TAFA1: variants seen among roughly 807,000 people sequenced by gnomAD.
TAFA1 encodes the protein TAFA chemokine like family member 1, also known as chemokine-like protein TAFA-1.
In TAFA1, 4 loss-of-function variants were observed where a neutral mutation model predicts 18.5. That is an observed-to-expected ratio of 0.22 (90% confidence interval 0.11 to 0.49). TAFA1 has a LOEUF of 0.49. TAFA1 is among the 20% of genes least tolerant of loss of function. TAFA1 has a pLI of 0.98. For synonymous variants in TAFA1, 56 were observed against 55.2 expected, an observed-to-expected ratio of 1.01 and a Z score of -0.06; for missense variants, 147 against 169.0, an observed-to-expected ratio of 0.87 and a Z score of 0.72.
At chr3:68,300,663 A>ATC (rs2068288030) in intron 2 of TAFA1, among the ~76,000 whole-genome samples, 1 of 152,164 alleles carries the variant, frequency 6.6e-6, no homozygotes, top group Admixed American at 6.5e-5. Flanking sequence ...TCCACCCAAA[A>ATC]TCTCATCTTG....
intron 2 of TAFA1, among the ~76,000 whole-genome samples, chr3:68,184,951 AT>A (rs1183739446): frequency 1.3e-5 from 2 of 152,286 alleles, no homozygotes; most frequent in South Asian, 2.1e-4. Flanking sequence ...AATCACTGGT[AT>A]ACATTCAATT....
At chr3:68,058,510 A>T (rs1261927349) in intron 2 of TAFA1, among the ~76,000 whole-genome samples, 1 of 152,196 alleles carries the variant, frequency 6.6e-6, no homozygotes, top group Non-Finnish European at 1.5e-5. Context: ...AGATAGACAC[A>T]TAGAGTCCTG....
intron 2 of TAFA1, among the ~76,000 whole-genome samples, chr3:68,390,135 T>C (rs1278189187): frequency 6.6e-6 from 1 of 152,142 alleles, no homozygotes; most frequent in Non-Finnish European, 1.5e-5. Flanking sequence ...CACAGCAGTC[T>C]GAAGTCAACC....
In TAFA1 at chr3:68,241,510, T is replaced by C. The variant is rs2066999419; in HGVS notation, c.119-175770T>C. On this transcript the variant is annotated intron_variant, in intron 2 of 4. Coordinates refer to ENST00000478136, the MANE Select transcript of TAFA1 (RefSeq NM_213609.4). ...ACAAATGAATCAGCGCAAAGAGAAATAGTACTTTAGAGTGAAAAACAGAAC... is the reference window on the plus strand; with the variant it reads ...ACAAATGAATCAGCGCAAAGAGAAACAGTACTTTAGAGTGAAAAACAGAAC... Among the ~76,000 whole-genome samples, 11 of 152,210 alleles carry C rather than the reference T, an allele frequency of 7.2e-5. No homozygotes were observed. The South Asian group carries it at 2.3e-3, about 32-fold the overall frequency.
chr3:68,400,312 T>C (rs1249463616), intron 2 of TAFA1, among the ~76,000 whole-genome samples: 1 of 152,286 alleles, frequency 6.6e-6, no homozygotes, highest in East Asian at 1.9e-4. Context: ...ATTTTACAGA[T>C]AAGTAAATTA....
At chr3:68,300,249 T>A (rs1385488383) in intron 2 of TAFA1, among the ~76,000 whole-genome samples, 1 of 150,672 alleles carries the variant, frequency 6.6e-6, no homozygotes, top group Non-Finnish European at 1.5e-5. Context: ...ACCTCTTGTA[T>A]AAGCATGACC....
At chr3:68,071,791 A>G (rs2064758282) in intron 2 of TAFA1, among the ~76,000 whole-genome samples, 1 of 152,138 alleles carries the variant, frequency 6.6e-6, no homozygotes, top group African/African-American at 2.4e-5. Flanking sequence ...GGCCTCAGGA[A>G]GGTTTTATTA....
chr3:68,040,418 G>A (rs9814521), intron 2 of TAFA1, among the ~76,000 whole-genome samples: 10,030 of 152,122 alleles, frequency 0.066, 452 homozygotes, highest in South Asian at 0.17. Context: ...TATAGGTGGG[G>A]TTCAACTGAG....
At chr3:68,197,485 C>T (rs186762089) in intron 2 of TAFA1, among the ~76,000 whole-genome samples, 1 of 151,526 alleles carries the variant, frequency 6.6e-6, no homozygotes. Flanking sequence ...AAAATTCCAC[C>T]AGGCAACATT....
At chr3:68,078,944 A>C (rs2064861240) in intron 2 of TAFA1, among the ~76,000 whole-genome samples, 1 of 151,696 alleles carries the variant, frequency 6.6e-6, no homozygotes, top group Non-Finnish European at 1.5e-5. Flanking sequence ...CTGGTCCTGT[A>C]CTCTTTTTGG....
At position 68,067,512 on chromosome 3, in the gene TAFA1, G is replaced by T. The variant is rs567388510; in HGVS notation, c.118+60768G>T. ...TGTGTTTATTTAGTACATGGCTTGA[G>T]AGGTAATACAAGCACTTAGTTTTAG... On this transcript the variant is annotated intron_variant, in intron 2 of 4. Transcript: ENST00000478136. Among the ~76,000 whole-genome samples, 36 of 152,266 alleles carry T rather than the reference G, an allele frequency of 2.4e-4. No homozygotes were observed. The South Asian group carries it at 7.5e-3, about 32-fold the overall frequency.
chr3:68,296,204 G>A (rs775279747), intron 2 of TAFA1, among the ~76,000 whole-genome samples: 12 of 152,002 alleles, frequency 7.9e-5, no homozygotes, highest in Non-Finnish European at 1.2e-4. Context: ...GCCTACCCTC[G>A]TGACTTTTTG....
intron 3 of TAFA1, among the ~76,000 whole-genome samples, chr3:68,440,566 T>C (rs1285145589): frequency 6.6e-6 from 1 of 152,198 alleles, no homozygotes; most frequent in Non-Finnish European, 1.5e-5. Context: ...ACTAGTTTCT[T>C]CTACTACCCA....
chr3:68,481,970 G>A (rs989816050), intron 3 of TAFA1, among the ~76,000 whole-genome samples: 2 of 152,114 alleles, frequency 1.3e-5, no homozygotes, highest in African/African-American at 4.8e-5. Context: ...CACAGAATCT[G>A]TTACTCAAGA....
chr3:68,132,616 C>G (rs1320421928), intron 2 of TAFA1, among the ~76,000 whole-genome samples: 1 of 152,192 alleles, frequency 6.6e-6, no homozygotes, highest in Non-Finnish European at 1.5e-5. Context: ...TTACATTTCT[C>G]TTATGACCAG....
At chr3:68,244,320 G>A (rs564616717) in intron 2 of TAFA1, among the ~76,000 whole-genome samples, 131 of 152,160 alleles carry the variant, frequency 8.6e-4, no homozygotes, top group African/African-American at 3.1e-3. Flanking sequence ...GATGTCTAAG[G>A]ACTCTTTGCC....
At chr3:68,075,287 C>G (rs551947882) in intron 2 of TAFA1, among the ~76,000 whole-genome samples, 2 of 152,310 alleles carry the variant, frequency 1.3e-5, no homozygotes, top group African/African-American at 4.8e-5. Flanking sequence ...GATTCTGACT[C>G]TTACTCCTAG....
intron 2 of TAFA1, among the ~76,000 whole-genome samples, chr3:68,306,508 G>A (rs933328464): frequency 1.3e-5 from 2 of 152,074 alleles, no homozygotes; most frequent in African/African-American, 4.8e-5. Flanking sequence ...TTGTGCTTGT[G>A]TGTGTGTGTG....
At chr3:68,431,058 A>T (rs1009946813) in intron 3 of TAFA1, among the ~76,000 whole-genome samples, 1 of 151,878 alleles carries the variant, frequency 6.6e-6, no homozygotes, top group Non-Finnish European at 1.5e-5. Flanking sequence ...TTATGGATTG[A>T]CAACACCATG....
Sources: allele counts gnomAD v4.1 joint callset (sites outside exome capture counted in the v4.1 genomes callset), GRCh38; gene constraint gnomAD v4.1.1; transcripts MANE v1.5; gene names NCBI Gene and HGNC (gene_info 2026-07-23, HGNC 2026-07-21).